CLOCK: variants seen among roughly 807,000 people sequenced by gnomAD.
CLOCK encodes clock circadian regulator, also known as circadian locomoter output cycles protein kaput.
CLOCK carries 43 observed loss-of-function variants against 118.4 expected under a neutral mutation model. The observed-to-expected ratio is 0.36, with a 90% CI of 0.28 to 0.47. The LOEUF is 0.47. CLOCK is among the 20% of genes least tolerant of loss of function. The probability of loss-of-function intolerance (pLI) is 1.00; values close to 1 mark genes in which losing one functional copy is unlikely to be tolerated. For synonymous variants in CLOCK, 326 were observed against 339.2 expected (o/e 0.96, Z 0.43); for missense variants, 846 against 999.9 (o/e 0.85, Z 2.08).
intron 7 of CLOCK, among the ~76,000 whole-genome samples, chr4:55,472,264 G>T (rs766813839): frequency 5.9e-5 from 9 of 152,082 alleles, no homozygotes; most frequent in Non-Finnish European, 1.3e-4. Flanking sequence ...TAACAGGAAG[G>T]CAAGTCGGAC....
At chr4:55,513,588 T>G (rs1185335733) in intron 1 of CLOCK, among the ~76,000 whole-genome samples, 1 of 152,166 alleles carries the variant, frequency 6.6e-6, no homozygotes, top group Non-Finnish European at 1.5e-5. Flanking sequence ...CAATGTTGGA[T>G]CTCCAATTTT....
Position 55,457,248 on chromosome 4 carries a change from G to GT in CLOCK, c.793-949dup. ...CTCACACCCAATCACACAATTTTCC[G>GT]TATTATTCTATACATGTGTAGTGGC... On this transcript the variant is annotated intron_variant, in intron 11 of 22. Coordinates refer to ENST00000513440, the MANE Select transcript of CLOCK (RefSeq NM_004898.4). 2.0e-5 allele frequency among the ~76,000 whole-genome samples: 3 copies of GT among 152,106 alleles called. No homozygotes were observed. In the South Asian group the frequency reaches 6.2e-4, roughly 32 times the overall value.
intron 18 of CLOCK, among the ~76,000 whole-genome samples, chr4:55,446,363 ACTTCTTAG>A (rs1347458009): frequency 6.6e-6 from 1 of 151,910 alleles, no homozygotes; most frequent in Non-Finnish European, 1.5e-5. Context: ...GCCTTATTTA[ACTTCTTAG>A]CTTCATTTTT....
intron 9 of CLOCK, among the ~76,000 whole-genome samples, chr4:55,460,358 A>T (rs1725243366): frequency 6.6e-6 from 1 of 152,156 alleles, no homozygotes; most frequent in Admixed American, 6.5e-5. Flanking sequence ...GTTACCTATC[A>T]TTTGCTTTCA....
chr4:55,542,371 TA>T (rs1560489984), intron 1 of CLOCK, among the ~76,000 whole-genome samples: 62 of 20,526 alleles, frequency 3.0e-3, no homozygotes, highest in South Asian at 0.018. Context: ...ATAATAATAA[TA>T]ATAATAATAT....
Position 55,463,673 on chromosome 4 carries a change from G to A in CLOCK, c.559+12C>T, listed in dbSNP as rs1725528863. ...CAACATTTGACTTTTTTGCTTAACA[G>A]CTACTACTTACATTTTAAATATTCT... On this transcript the variant is annotated intron_variant, in intron 9 of 22. Coordinates refer to ENST00000513440, the MANE Select transcript of CLOCK (RefSeq NM_004898.4). 6.2e-7 allele frequency: 1 copy of A among 1,612,506 alleles called. No homozygotes were observed. The highest frequency in any genetic ancestry group is 1.7e-5 in the Admixed American group (1 of 59,936).
intron 20 of CLOCK, 142 bp downstream of exon 20, chr4:55,443,545 T>C (rs1185293397): frequency 1.5e-6 from 1 of 687,936 alleles, no homozygotes; most frequent in East Asian, 2.7e-5. Flanking sequence ...AATATTTTAA[T>C]AATCACTCTC....
At chr4:55,436,070 GGCT>G (rs1456455071) in intron 22 of CLOCK, among the ~76,000 whole-genome samples, 4 of 152,084 alleles carry the variant, frequency 2.6e-5, no homozygotes, top group Non-Finnish European at 5.9e-5. Context: ...TTCAAACTTG[GGCT>G]GCCCTACTTA....
chr4:55,507,876 G>T (rs1397471690), intron 2 of CLOCK, among the ~76,000 whole-genome samples: 1 of 152,094 alleles, frequency 6.6e-6, no homozygotes, highest in Non-Finnish European at 1.5e-5. Context: ...AGCTAAAAAG[G>T]CACAGAACCC....
chr4:55,519,109 T>C (rs1413199880), intron 1 of CLOCK, among the ~76,000 whole-genome samples: 1 of 152,086 alleles, frequency 6.6e-6, no homozygotes, highest in Admixed American at 6.6e-5. Flanking sequence ...TGGAGTGCAA[T>C]GGAGCAATCA....
At chr4:55,531,233 A>G (rs1480174774) in intron 1 of CLOCK, among the ~76,000 whole-genome samples, 2 of 151,348 alleles carry the variant, frequency 1.3e-5, no homozygotes, top group East Asian at 3.9e-4. Context: ...GACCCATAGA[A>G]AAAAAAAATA....
rs1724200590 is a variant in CLOCK at position 55,449,093 on chromosome 4, TA to T, written c.1450-226del. On this transcript the variant is annotated intron_variant, in intron 17 of 22. Coordinates refer to ENST00000513440, the MANE Select transcript of CLOCK (RefSeq NM_004898.4). ...TACAGTACCTTGAACAAGCTCTCAA[TA>T]AAAGTTGGCCAGACTTAAGACAATT... 3.3e-5 allele frequency among the ~76,000 whole-genome samples: 5 copies of T among 151,868 alleles called. No individual in the cohort carries two copies. The South Asian group carries it at 1.0e-3, about 32-fold the overall frequency.
intron 9 of CLOCK, among the ~76,000 whole-genome samples, chr4:55,461,870 A>C (rs1357201142): frequency 1.3e-5 from 2 of 152,202 alleles, no homozygotes; most frequent in Non-Finnish European, 2.9e-5. Context: ...TACTCTGTAA[A>C]AAATAAAACT....
chr4:55,465,620 G>T (rs552445872), intron 8 of CLOCK, among the ~76,000 whole-genome samples: 1 of 152,254 alleles, frequency 6.6e-6, no homozygotes, highest in African/African-American at 2.4e-5. Flanking sequence ...GATTTTTCTG[G>T]AAGTCTGAAA....
intron 22 of CLOCK, 72 bp downstream of exon 22, chr4:55,438,210 G>T (rs1723045921): frequency 1.3e-6 from 2 of 1,535,222 alleles, no homozygotes; most frequent in South Asian, 2.3e-5. Flanking sequence ...TCACAAATCT[G>T]TTCACTTAAT....
intron 17 of CLOCK, 45 bp from the exon 18 acceptor site, chr4:55,448,913 T>C: frequency 2.2e-6 from 3 of 1,354,464 alleles, no homozygotes; most frequent in South Asian, 1.2e-5. Context: ...CTCATTCCCA[T>C]ACATGAGTAC....
chr4:55,475,949 A>G lies in CLOCK; in HGVS notation c.348+14T>C. On this transcript the variant is annotated intron_variant, in intron 7 of 22. Coordinates refer to ENST00000513440, the MANE Select transcript of CLOCK (RefSeq NM_004898.4). ...GAGGAAAATAAAACTTTCAAAAATT[A>G]AATCTGGACATACCTCTAACATTAA... is the stretch of plus-strand genomic sequence containing the variant. The G allele has an allele frequency of 6.3e-7, 1 of 1,579,596 alleles. No homozygotes were observed. The highest frequency in any genetic ancestry group is 8.7e-7 in the Non-Finnish European group (1 of 1,149,818).
At chr4:55,475,740 A>T (rs6828474) in intron 7 of CLOCK, among the ~76,000 whole-genome samples, 24,795 of 152,166 alleles carry the variant, frequency 0.16, 2,543 homozygotes, top group Non-Finnish European at 0.21. Context: ...AAGTATTTTT[A>T]AATTTAGGTA....
chr4:55,431,015 AAT>A lies in CLOCK; in HGVS notation c.*4398_*4399del. On this transcript the variant is annotated 3_prime_UTR_variant, in exon 23 of 23. Transcript: ENST00000513440. The stretch of plus-strand genomic sequence containing the variant: ...TTCTCAGAAATGTGTCATTTTATAT[AAT>A]TTCACCTAAGTAAGTGATGATTTGG... 1 of 152,336 alleles carries A rather than the reference AAT, an allele frequency of 6.6e-6. No homozygotes were observed. The highest frequency in any genetic ancestry group is 6.5e-5 in the Admixed American group (1 of 15,302). 9.4% of individuals were successfully genotyped at this position (152,336 alleles called of 1,614,324 possible).
Sources: allele counts gnomAD v4.1 joint callset (sites outside exome capture counted in the v4.1 genomes callset), GRCh38; gene constraint gnomAD v4.1.1; transcripts MANE v1.5; gene names NCBI Gene and HGNC (gene_info 2026-07-23, HGNC 2026-07-21).